Variants in CLMN observed in about 807,000 individuals in gnomAD.
CLMN encodes the protein calmin (calponin-like, transmembrane).
CLMN carries 57 observed loss-of-function variants against 92.7 expected under a neutral mutation model. The observed-to-expected ratio is 0.61, with a 90% CI of 0.50 to 0.77. CLMN has a LOEUF of 0.77. Ranked by LOEUF, CLMN falls within the 30% of genes least tolerant of loss-of-function variation. CLMN has a pLI of 0.00. For missense variants in CLMN, 1,158 were observed against 1,237.5 expected (o/e 0.94, Z 0.96); for synonymous variants, 466 against 470.6 (o/e 0.99, Z 0.13).
intron 1 of CLMN, among the ~76,000 whole-genome samples, chr14:95,275,779 C>A (rs1354780580): frequency 1.3e-5 from 2 of 152,236 alleles, no homozygotes; most frequent in Non-Finnish European, 2.9e-5. Flanking sequence ...TCTCCTGCCT[C>A]AGCCTCCTGA....
chr14:95,317,797 G>T (rs1034572995), intron 1 of CLMN, among the ~76,000 whole-genome samples: 8 of 152,174 alleles, frequency 5.3e-5, no homozygotes, highest in African/African-American at 1.9e-4. Context: ...TTGTTACATA[G>T]ATGTACTCAT....
At chr14:95,218,203 G>A (rs1468100310) in intron 4 of CLMN, among the ~76,000 whole-genome samples, 6 of 152,202 alleles carry the variant, frequency 3.9e-5, no homozygotes, top group African/African-American at 1.2e-4. Flanking sequence ...TCACATGTAG[G>A]GTGATAACTC....
In CLMN at chr14:95,305,648, T is replaced by C. The variant is rs535399296; in HGVS notation, c.82+14063A>G. Among the ~76,000 whole-genome samples, 3 of 152,332 alleles carry C rather than the reference T, an allele frequency of 2.0e-5. No homozygotes were observed. The South Asian group carries it at 6.2e-4, about 32-fold the overall frequency. On this transcript the variant is annotated intron_variant, in intron 1 of 12. Transcript: ENST00000298912. ...GAACAGAAATCATAATGGATTGTCC[T>C]AGAAAATTTCCCAGAACTGAAGTAT... is the stretch of plus-strand genomic sequence containing the variant.
chr14:95,230,035 AATCT>A, intron 2 of CLMN, 33 bp downstream of exon 2: 1 of 1,591,850 alleles, frequency 6.3e-7, no homozygotes, highest in Non-Finnish European at 8.6e-7. Flanking sequence ...GTTACAGATG[AATCT>A]ATCACTTAGC....
chr14:95,273,267 C>T (rs904597665), intron 1 of CLMN, among the ~76,000 whole-genome samples: 1 of 152,058 alleles, frequency 6.6e-6, no homozygotes, highest in African/African-American at 2.4e-5. Context: ...GCTGTCTGGC[C>T]CAGGACCGCT....
At chr14:95,265,915 C>T (rs1899454626) in intron 1 of CLMN, among the ~76,000 whole-genome samples, 1 of 152,208 alleles carries the variant, frequency 6.6e-6, no homozygotes, top group South Asian at 2.1e-4. Context: ...GCAGCTGCAA[C>T]AACCAGCCAT....
At chr14:95,280,177 C>T (rs893034609) in intron 1 of CLMN, among the ~76,000 whole-genome samples, 1 of 152,098 alleles carries the variant, frequency 6.6e-6, no homozygotes, top group African/African-American at 2.4e-5. Context: ...ACAGGATTTT[C>T]TTAGACCATT....
chr14:95,249,637 G>A (rs2140675606), intron 1 of CLMN, among the ~76,000 whole-genome samples: 1 of 151,942 alleles, frequency 6.6e-6, no homozygotes, highest in East Asian at 1.9e-4. Flanking sequence ...TGTCGCCCAG[G>A]CTGGAGTGCA....
chr14:95,223,498 G>A (rs1897612670), intron 3 of CLMN, among the ~76,000 whole-genome samples: 1 of 151,960 alleles, frequency 6.6e-6, no homozygotes, highest in Non-Finnish European at 1.5e-5. Context: ...AATTTTAACT[G>A]TTTAGTTCTA....
At chr14:95,215,815 C>CTCTG (rs952789445) in intron 4 of CLMN, 82 bp from the exon 5 acceptor site, 62 of 571,794 alleles carry the variant, frequency 1.1e-4, no homozygotes, top group East Asian at 8.3e-4. Flanking sequence ...CTCTCTCTCT[C>CTCTG]TGTGTGTGTG....
intron 1 of CLMN, among the ~76,000 whole-genome samples, chr14:95,245,449 A>C (rs939608438): frequency 1.3e-5 from 2 of 149,532 alleles, no homozygotes; most frequent in East Asian, 4.0e-4. Flanking sequence ...CCTGGTGTGT[A>C]AGTACAGATG....
chr14:95,191,729 C>T lies in CLMN; in HGVS notation c.2844G>A (p.Lys948=). The T allele has an allele frequency of 6.2e-7, 1 of 1,603,838 alleles. No homozygotes were observed. The highest frequency in any genetic ancestry group is 1.1e-5 in the South Asian group (1 of 89,952). The change falls in exon 13 of 13, where the codon AAG becomes AAA. Residue 948 remains lysine, a synonymous_variant. Transcript: ENST00000298912. This position sits in a 1 kb window ranked among gnomAD's most constrained non-coding sequence, Gnocchi z 5.3. ...ACATGGCTTCTCCTGAGCTGTTGGC[C>T]TTCCTACAGAAGAAACACAGAGGAA... The part of the protein sequence containing the change: ...DDRRNRILTR[K]ANSSGEAMSL...
intron 8 of CLMN, among the ~76,000 whole-genome samples, chr14:95,208,513 T>G (rs1244668692): frequency 6.6e-6 from 1 of 152,200 alleles, no homozygotes; most frequent in Non-Finnish European, 1.5e-5. Flanking sequence ...TTGATAAAAA[T>G]CTGGTAGATG....
intron 1 of CLMN, among the ~76,000 whole-genome samples, chr14:95,234,168 TG>T (rs1262993905): frequency 6.6e-6 from 1 of 152,160 alleles, no homozygotes; most frequent in African/African-American, 2.4e-5. Flanking sequence ...CTCCACAGAA[TG>T]AGGTTGGCCA....
intron 1 of CLMN, among the ~76,000 whole-genome samples, chr14:95,242,712 C>T (rs548707920): frequency 2.6e-4 from 39 of 152,232 alleles, no homozygotes; most frequent in African/African-American, 5.8e-4. Context: ...GGACTACAGG[C>T]GCATGCCACC....
chr14:95,218,937 C>T (rs532455024), intron 4 of CLMN, among the ~76,000 whole-genome samples: 152 of 152,358 alleles, frequency 1.0e-3, no homozygotes, highest in African/African-American at 3.5e-3. Flanking sequence ...TCCCTCATTG[C>T]CACACCTGTT....
intron 1 of CLMN, among the ~76,000 whole-genome samples, chr14:95,289,996 T>C (rs193000027): frequency 8.9e-4 from 135 of 152,350 alleles, no homozygotes; most frequent in Non-Finnish European, 7.9e-4. Flanking sequence ...GCCTATAACA[T>C]TTCAAGGCAA....
rs36112422 is a variant in CLMN at position 95,227,749 on chromosome 14, G to A, written c.144+2323C>T. Among the ~76,000 whole-genome samples, 427 of 152,286 alleles carry A rather than the reference G, an allele frequency of 2.8e-3. 2 individuals are homozygous for A. The highest frequency in any genetic ancestry group is 4.2e-3 in the Admixed American group (65 of 15,300). On this transcript the variant is annotated intron_variant, in intron 2 of 12. Coordinates refer to ENST00000298912, the MANE Select transcript of CLMN (RefSeq NM_024734.4). Reference sequence around the variant, plus strand: ...TGGGCTTCATGAGATTGGTATGGCCGAATAAACAGCACCCCCAGGGCTTTC... The same window carrying A: ...TGGGCTTCATGAGATTGGTATGGCCAAATAAACAGCACCCCCAGGGCTTTC...
rs571989880 is a variant in CLMN, at chr14:95,194,263, G to A, written c.2769+273C>T. 31 of 1,358,742 alleles carry A rather than the reference G, an allele frequency of 2.3e-5. No homozygotes were observed. The Admixed American group carries it at 3.4e-4, about 15-fold the overall frequency. The allele number at this position is 1,358,742 out of a possible 1,614,324, so 84.2% of individuals were successfully genotyped here. On this transcript the variant is annotated intron_variant, in intron 11 of 12. Coordinates refer to ENST00000298912, the MANE Select transcript of CLMN (RefSeq NM_024734.4). This position sits in a 1 kb window ranked among gnomAD's most constrained non-coding sequence, Gnocchi z 4.0. ...CTCTGAACGTGATCCTTCTGGGTGCGCGCGGGGTCCAGGTGAGGCGTTTTG... is the reference window on the plus strand; with the variant it reads ...CTCTGAACGTGATCCTTCTGGGTGCACGCGGGGTCCAGGTGAGGCGTTTTG...
Sources: allele counts gnomAD v4.1 joint callset (sites outside exome capture counted in the v4.1 genomes callset), GRCh38; gene constraint gnomAD v4.1.1; non-coding constraint Gnocchi (gnomAD v3.1); transcripts MANE v1.5; gene names NCBI Gene and HGNC (gene_info 2026-07-23, HGNC 2026-07-21).